The following EIF4G3 variants were observed in gnomAD, a reference collection of about 807,000 sequenced individuals.
The protein encoded by EIF4G3 is eukaryotic translation initiation factor 4 gamma 3, also known as eIF-4-gamma 3.
In EIF4G3, 34 loss-of-function variants were observed where a neutral mutation model predicts 186.4. That is an observed-to-expected ratio of 0.18 (90% CI 0.14 to 0.24). The LOEUF is 0.24. Ranked by LOEUF, EIF4G3 falls within the 10% of genes least tolerant of loss-of-function variation. The pLI, the probability that EIF4G3 is intolerant of heterozygous loss-of-function variation, is 1.00. For synonymous variants in EIF4G3, 673 were observed against 679.5 expected (o/e 0.99, Z 0.15); for missense variants, 1,536 against 1,948.5 (o/e 0.79, Z 3.99).
At chr1:20,940,761 T>G (rs7531492) in intron 14 of EIF4G3, among the ~76,000 whole-genome samples, 1 of 152,180 alleles carries the variant, frequency 6.6e-6, no homozygotes. Context: ...TATCCTAGAA[T>G]AGCTGATAAG....
At chr1:21,091,727 C>T (rs1205657477) in intron 2 of EIF4G3, among the ~76,000 whole-genome samples, 1 of 151,986 alleles carries the variant, frequency 6.6e-6, no homozygotes. Flanking sequence ...AAGTTGGATT[C>T]CTAGGTATTT....
intron 19 of EIF4G3, among the ~76,000 whole-genome samples, chr1:20,881,912 C>T (rs1183559484): frequency 6.6e-6 from 1 of 152,000 alleles, no homozygotes; most frequent in Non-Finnish European, 1.5e-5. Context: ...CCTATAATCC[C>T]AGCTCTTTGG....
intron 2 of EIF4G3, among the ~76,000 whole-genome samples, chr1:21,141,540 T>C (rs1454282545): frequency 1.3e-5 from 2 of 150,882 alleles, no homozygotes; most frequent in African/African-American, 4.9e-5. Flanking sequence ...CAGTATGTTT[T>C]CTATTTTACA....
intron 4 of EIF4G3, among the ~76,000 whole-genome samples, chr1:21,009,907 CCTCCCAAAGTGCTGGGA>C (rs1474748059): frequency 6.6e-6 from 1 of 152,082 alleles, no homozygotes; most frequent in African/African-American, 2.4e-5. Context: ...CCCGCCTCGG[CCTCCCAAAGTGCTGGGA>C]TTACAGACGT....
At chr1:21,077,926 A>T (rs10916931) in intron 3 of EIF4G3, among the ~76,000 whole-genome samples, 5,101 of 151,810 alleles carry the variant, frequency 0.034, 283 homozygotes, top group African/African-American at 0.11. Context: ...GAGAAAGCAG[A>T]GAAAGGAGAA....
chr1:21,026,181 T>C (rs2092057326), intron 4 of EIF4G3, among the ~76,000 whole-genome samples: 1 of 152,198 alleles, frequency 6.6e-6, no homozygotes, highest in Non-Finnish European at 1.5e-5. Context: ...AGTGCAGTAC[T>C]GGTGTAAAAA....
chr1:20,900,958 T>A (rs1306163237), intron 15 of EIF4G3, among the ~76,000 whole-genome samples: 2 of 152,158 alleles, frequency 1.3e-5, no homozygotes, highest in African/African-American at 2.4e-5. Flanking sequence ...ACAGATATAA[T>A]ACTAGTAAAT....
chr1:20,997,692 C>A (rs2082589181), intron 6 of EIF4G3, 59 bp from the exon 7 acceptor site: 14 of 1,367,260 alleles, frequency 1.0e-5, no homozygotes, highest in South Asian at 1.4e-5. Flanking sequence ...AGAAACACCA[C>A]AACAAAAACC....
chr1:20,952,418 T>G (rs907667909), intron 12 of EIF4G3, among the ~76,000 whole-genome samples: 1 of 152,182 alleles, frequency 6.6e-6, no homozygotes, highest in Non-Finnish European at 1.5e-5. Flanking sequence ...CATCCCAAAG[T>G]GCTGGGATTA....
chr1:20,884,391 G>C (rs928094437), intron 19 of EIF4G3, among the ~76,000 whole-genome samples: 4 of 152,058 alleles, frequency 2.6e-5, no homozygotes, highest in Non-Finnish European at 5.9e-5. Flanking sequence ...GAAAAAAAAG[G>C]ATAACATCTA....
chr1:21,005,999 T>C (rs1434424695), intron 4 of EIF4G3, among the ~76,000 whole-genome samples: 1 of 152,198 alleles, frequency 6.6e-6, no homozygotes. Context: ...TCACAATGTA[T>C]GCCATTATAC....
At chr1:21,088,104 G>GA (rs1466556429) in intron 3 of EIF4G3, among the ~76,000 whole-genome samples, 1 of 150,930 alleles carries the variant, frequency 6.6e-6, no homozygotes, top group Non-Finnish European at 1.5e-5. Context: ...TCTTAAAAAT[G>GA]AAAAAAAATT....
At chr1:20,979,940 C>T (rs546563013) in intron 10 of EIF4G3, among the ~76,000 whole-genome samples, 16 of 152,146 alleles carry the variant, frequency 1.1e-4, no homozygotes, top group South Asian at 1.0e-3. Flanking sequence ...TTAGTAGAGA[C>T]GGGGTTTCAC....
At chr1:20,833,241 G>A (rs1557835266) in intron 30 of EIF4G3, among the ~76,000 whole-genome samples, 1 of 149,782 alleles carries the variant, frequency 6.7e-6, no homozygotes, top group African/African-American at 2.5e-5. Flanking sequence ...TCCTACCCAT[G>A]AGCATGGAAT....
At chr1:21,053,136 G>T (rs1294816198) in intron 3 of EIF4G3, among the ~76,000 whole-genome samples, 1 of 151,752 alleles carries the variant, frequency 6.6e-6, no homozygotes, top group Non-Finnish European at 1.5e-5. Flanking sequence ...AGGAAGTGAG[G>T]AGCGTCTCTG....
intron 33 of EIF4G3, among the ~76,000 whole-genome samples, chr1:20,823,455 C>A (rs2062880789): frequency 6.6e-6 from 1 of 152,050 alleles, no homozygotes; most frequent in African/African-American, 2.4e-5. Context: ...GATCGTATCT[C>A]ACTGCAGCCT....
At chr1:20,891,918 A>C (rs1469839233) in intron 18 of EIF4G3, among the ~76,000 whole-genome samples, 1 of 152,208 alleles carries the variant, frequency 6.6e-6, no homozygotes, top group Non-Finnish European at 1.5e-5. Context: ...TGTGAGAAAC[A>C]GAGTATCTCA....
At chr1:20,872,191 T>C (rs535905763) in intron 20 of EIF4G3, among the ~76,000 whole-genome samples, 2 of 152,264 alleles carry the variant, frequency 1.3e-5, no homozygotes, top group South Asian at 2.1e-4. Flanking sequence ...AGTGCCATCA[T>C]AGCTCACTGC....
chr1:21,048,222 A>T (rs896109815), intron 4 of EIF4G3, among the ~76,000 whole-genome samples: 1 of 152,208 alleles, frequency 6.6e-6, no homozygotes, highest in African/African-American at 2.4e-5. Flanking sequence ...CCTTTGGGCC[A>T]ACTGCTTGGG....
Sources: gnomAD v4.1 joint callset for allele counts (sites outside exome capture counted in the v4.1 genomes callset) on GRCh38, gnomAD v4.1.1 for gene constraint, MANE v1.5 for transcripts, NCBI Gene and HGNC (gene_info 2026-07-23, HGNC 2026-07-21) for gene names.